OCA2: variants seen among roughly 807,000 people sequenced by gnomAD.
OCA2 encodes the protein OCA2 melanosomal transmembrane protein.
Under a neutral mutation model 100.2 loss-of-function variants are expected in OCA2, and 77 were observed. That is an observed-to-expected ratio of 0.77 (90% CI 0.64 to 0.93). The LOEUF (loss-of-function observed/expected upper bound fraction) is 0.93, where lower values mean the gene tolerates loss of function less well. Ranked by LOEUF, OCA2 falls within the 40% of genes least tolerant of loss-of-function variation. OCA2 has a pLI of 0.00. For synonymous variants in OCA2, 432 were observed against 439.2 expected (o/e 0.98, Z 0.21); for missense variants, 1,062 against 1,089.1 (o/e 0.98, Z 0.35).
intron 2 of OCA2, among the ~76,000 whole-genome samples, chr15:28,065,109 A>G (rs1271426066): frequency 6.6e-6 from 1 of 152,174 alleles, no homozygotes; most frequent in African/African-American, 2.4e-5. Flanking sequence ...AAACCAAAGA[A>G]GCAAACACCT....
chr15:27,884,778 C>G (rs755303189), intron 19 of OCA2, among the ~76,000 whole-genome samples: 10 of 152,186 alleles, frequency 6.6e-5, no homozygotes, highest in African/African-American at 2.4e-4. Flanking sequence ...GATAGTGATA[C>G]GTATTTTTTT....
chr15:27,756,910 T>C (rs2030420560), intron 23 of OCA2, among the ~76,000 whole-genome samples: 1 of 152,140 alleles, frequency 6.6e-6, no homozygotes, highest in Non-Finnish European at 1.5e-5. Context: ...GCCACTGATG[T>C]CTTGAGGATG....
Position 27,844,990 on chromosome 15 carries a change from C to A in OCA2, c.2401G>T (p.Gly801Ter). The A allele has an allele frequency of 6.2e-7, 1 of 1,613,502 alleles. No homozygotes were observed. The highest frequency in any genetic ancestry group is 8.5e-7 in the Non-Finnish European group (1 of 1,179,546). The change falls in exon 23 of 24, where the codon GGA becomes TGA. Residue 801 changes from glycine to a stop codon, truncating the protein, a stop_gained. Coordinates refer to ENST00000354638, the MANE Select transcript of OCA2 (RefSeq NM_000275.3). LOFTEE classifies it high-confidence loss of function. ...VVCAGIAEQH[G>*]YGFSFMEFFR... ...AATTCCATGAAGGAGAACCCATATC[C>A]ATGCTGTTCTGCAATCCCTGCACAC...
At chr15:27,872,356 G>A (rs2036611885) in intron 19 of OCA2, among the ~76,000 whole-genome samples, 1 of 152,170 alleles carries the variant, frequency 6.6e-6, no homozygotes, top group Non-Finnish European at 1.5e-5. Context: ...AATCTTCAAA[G>A]AAAGAAAGGA....
chr15:28,088,367 C>A (rs1006834394), intron 1 of OCA2, among the ~76,000 whole-genome samples: 2 of 152,116 alleles, frequency 1.3e-5, no homozygotes, highest in South Asian at 2.1e-4. Flanking sequence ...AAAGGAGGTA[C>A]GTTTTCTTGA....
intron 1 of OCA2, among the ~76,000 whole-genome samples, chr15:28,097,645 C>T (rs1005729934): frequency 6.6e-6 from 1 of 152,222 alleles, no homozygotes; most frequent in Non-Finnish European, 1.5e-5. Flanking sequence ...TCTTCTGCAG[C>T]TCAAACCACT....
chr15:27,758,986 C>T (rs969303311), intron 23 of OCA2, among the ~76,000 whole-genome samples: 1 of 151,910 alleles, frequency 6.6e-6, no homozygotes, highest in Non-Finnish European at 1.5e-5. Context: ...GGCTAGGCAC[C>T]CCCCAAAATC....
At chr15:28,072,434 A>T (rs1017149977) in intron 2 of OCA2, among the ~76,000 whole-genome samples, 10 of 151,986 alleles carry the variant, frequency 6.6e-5, no homozygotes, top group African/African-American at 1.5e-4. Flanking sequence ...CTAAAAATAT[A>T]AAAAAATTAG....
chr15:27,755,433 C>T lies in OCA2; in HGVS notation c.2472G>A (p.Gly824=). 1 of 1,613,982 alleles carries T rather than the reference C, an allele frequency of 6.2e-7. No homozygotes were observed. The highest frequency in any genetic ancestry group is 8.5e-7 in the Non-Finnish European group (1 of 1,179,868). ...CATGAGCCACAAGGAGATAACACAT[C>T]CCAACAGTGCAGGACACAACCATCA... ...FPMMVVSCTV[G]MCYLLVAHVV... The change falls in exon 24 of 24, where the codon GGG becomes GGA. Residue 824 remains glycine (G), a synonymous_variant. Coordinates refer to ENST00000354638, the MANE Select transcript of OCA2 (RefSeq NM_000275.3).
intron 21 of OCA2, among the ~76,000 whole-genome samples, chr15:27,858,691 C>A (rs922297988): frequency 2.6e-5 from 4 of 151,708 alleles, no homozygotes; most frequent in Non-Finnish European, 4.4e-5. Context: ...AAAAATAGAA[C>A]GTGGAAATAT....
At chr15:27,913,903 G>GA (rs1567098836) in intron 19 of OCA2, among the ~76,000 whole-genome samples, 2 of 39,972 alleles carry the variant, frequency 5.0e-5, no homozygotes, top group Non-Finnish European at 8.9e-5. Flanking sequence ...AAGCAAGCAA[G>GA]CAAGCAAGCA....
intron 17 of OCA2, among the ~76,000 whole-genome samples, chr15:27,954,051 C>T (rs980363617): frequency 2.0e-5 from 3 of 151,802 alleles, no homozygotes; most frequent in Non-Finnish European, 4.4e-5. Context: ...GTCACCAAGT[C>T]CATCCAGGTT....
At chr15:27,974,903 T>G (rs951358687) in intron 14 of OCA2, among the ~76,000 whole-genome samples, 4 of 152,282 alleles carry the variant, frequency 2.6e-5, no homozygotes, top group Admixed American at 2.6e-4. Context: ...AAGCCTGGGC[T>G]GAGCCTCAGC....
At chr15:27,945,465 G>A (rs888533944) in intron 18 of OCA2, among the ~76,000 whole-genome samples, 1 of 152,172 alleles carries the variant, frequency 6.6e-6, no homozygotes, top group African/African-American at 2.4e-5. Flanking sequence ...AAGGAGCTGA[G>A]GGCAGAGCAC....
chr15:27,966,562 G>A, intron 15 of OCA2, 128 bp downstream of exon 15: 1 of 981,330 alleles, frequency 1.0e-6, no homozygotes, highest in Non-Finnish European at 1.6e-6. Context: ...AGGTGGACGT[G>A]GAGAGTCACT....
chr15:27,827,349 G>C (rs1486608620), intron 23 of OCA2, among the ~76,000 whole-genome samples: 1 of 152,170 alleles, frequency 6.6e-6, no homozygotes, highest in East Asian at 1.9e-4. Context: ...TCAAAGCTTA[G>C]GATTAAGCTG....
intron 2 of OCA2, among the ~76,000 whole-genome samples, chr15:28,065,816 G>T (rs1160721241): frequency 6.6e-6 from 1 of 151,920 alleles, no homozygotes; most frequent in Non-Finnish European, 1.5e-5. Flanking sequence ...ATTTTGTGTT[G>T]TTCAATTATA....
At chr15:27,984,825 T>C (rs545523057) in intron 13 of OCA2, among the ~76,000 whole-genome samples, 23 of 152,318 alleles carry the variant, frequency 1.5e-4, no homozygotes, top group Middle Eastern at 3.4e-3. Flanking sequence ...AAGCAAGGCC[T>C]ATGTCTTCCA....
At chr15:27,869,321 T>A (rs1160240789) in intron 21 of OCA2, among the ~76,000 whole-genome samples, 2 of 152,230 alleles carry the variant, frequency 1.3e-5, no homozygotes, top group East Asian at 3.9e-4. Context: ...AGGGCAGAGA[T>A]GGTCCTGAGA....
Sources: gnomAD v4.1 joint callset for allele counts (sites outside exome capture counted in the v4.1 genomes callset) on GRCh38, gnomAD v4.1.1 for gene constraint, MANE v1.5 for transcripts, NCBI Gene and HGNC (gene_info 2026-07-23, HGNC 2026-07-21) for gene names.